Variants in PCDHGA12 observed in about 807,000 individuals in gnomAD.
The protein encoded by PCDHGA12 is protocadherin gamma-A12.
In PCDHGA12, 43 loss-of-function variants were observed where a neutral mutation model predicts 61.1. The ratio of observed to expected loss-of-function variants is 0.70; its 90% CI spans 0.55 to 0.91. The LOEUF (loss-of-function observed/expected upper bound fraction) is 0.91, where lower values mean the gene tolerates loss of function less well. Among genes scored for constraint, PCDHGA12 ranks in the 40% least tolerant of loss-of-function variants. The probability of loss-of-function intolerance (pLI) is 0.00; values close to 1 mark genes in which losing one functional copy is unlikely to be tolerated. For missense variants in PCDHGA12, 1,236 were observed against 1,227.7 expected, an observed-to-expected ratio of 1.01 and a Z score of -0.10; for synonymous variants, 520 against 542.9, an observed-to-expected ratio of 0.96 and a Z score of 0.59.
In PCDHGA12 at chr5:141,511,580, G is replaced by A. The variant is rs1436011320; in HGVS notation, c.*407G>A. ...CTCTTTCCCGAGTAAGGTGGTTGGG[G>A]TGTTGAAGTACCAAGTAACCTACAA... On this transcript the variant is annotated 3_prime_UTR_variant, in exon 4 of 4. Coordinates refer to ENST00000252085, the MANE Select transcript of PCDHGA12 (RefSeq NM_003735.3). 2 of 282,206 alleles carry A rather than the reference G, an allele frequency of 7.1e-6. No individual in the cohort carries two copies. Among genetic ancestry groups the A allele is most frequent in the Admixed American group, 4.6e-5 (1 of 21,516 alleles). The allele number at this position is 282,206 out of a possible 1,614,324, so 17.5% of individuals were successfully genotyped here.
intron 1 of PCDHGA12, among the ~76,000 whole-genome samples, chr5:141,443,191 A>G (rs2098371862): frequency 6.6e-6 from 1 of 152,122 alleles, no homozygotes; most frequent in Non-Finnish European, 1.5e-5. Flanking sequence ...CATTCTCTAT[A>G]GTACAAAGAG....
Position 141,485,863 on chromosome 5 carries a change from A to G in PCDHGA12, c.2425-8944A>G, listed in dbSNP as rs770864367. 78 of 1,614,054 alleles carry G rather than the reference A, an allele frequency of 4.8e-5. No individual in the cohort carries two copies. Among genetic ancestry groups the G allele is most frequent in the Non-Finnish European group, 6.0e-5 (71 of 1,180,040 alleles). ...GATCTGGCACCGCAGAGCTCCGGGT[A>G]TCCGTGCTGGACGTAAACGACAACG... On this transcript the variant is annotated intron_variant, in intron 1 of 3. Coordinates refer to ENST00000252085, the MANE Select transcript of PCDHGA12 (RefSeq NM_003735.3). The surrounding 1 kb of genome is among the most constrained non-coding windows in gnomAD (Gnocchi z 5.7).
chr5:141,443,018 A>G (rs2098358800), intron 1 of PCDHGA12, among the ~76,000 whole-genome samples: 1 of 152,208 alleles, frequency 6.6e-6, no homozygotes, highest in Admixed American at 6.5e-5. Flanking sequence ...TGACTAATGG[A>G]AGTTGCCAGA....
chr5:141,435,254 G>C (rs1220755047), intron 1 of PCDHGA12, among the ~76,000 whole-genome samples: 1 of 152,018 alleles, frequency 6.6e-6, no homozygotes, highest in African/African-American at 2.4e-5. Flanking sequence ...GGCCATTAGG[G>C]ATATGTCCAT....
intron 1 of PCDHGA12, among the ~76,000 whole-genome samples, chr5:141,467,051 T>G (rs988417775): frequency 6.6e-6 from 1 of 151,462 alleles, no homozygotes; most frequent in Non-Finnish European, 1.5e-5. Context: ...TGAATCAATG[T>G]TTTCTTTTTT....
rs2099170089 is a variant in PCDHGA12, at chr5:141,468,602, C to T, written c.2425-26205C>T. On this transcript the variant is annotated intron_variant, in intron 1 of 3. Coordinates refer to ENST00000252085, the MANE Select transcript of PCDHGA12 (RefSeq NM_003735.3). ...GTACTAAAGGCTGGGCGCGGTGGCT[C>T]ACGCCTGTAATCCCAGCACTTTGGG... The T allele has an allele frequency of 2.6e-5, 4 of 152,284 alleles. No individual in the cohort carries two copies. The South Asian group carries it at 8.3e-4, about 32-fold the overall frequency. 9.4% of individuals were successfully genotyped at this position (152,284 alleles called of 1,614,324 possible).
chr5:141,466,812 G>T (rs1394979761), intron 1 of PCDHGA12, among the ~76,000 whole-genome samples: 1 of 151,940 alleles, frequency 6.6e-6, no homozygotes, highest in African/African-American at 2.4e-5. Flanking sequence ...ATTCAGACAT[G>T]GTATAACAAG....
At chr5:141,499,013 GA>G (rs2099788463) in intron 2 of PCDHGA12, among the ~76,000 whole-genome samples, 1 of 144,746 alleles carries the variant, frequency 6.9e-6, no homozygotes, top group Non-Finnish European at 1.5e-5. Context: ...AGGAAGGAAG[GA>G]AGGAAGGAAG....
In PCDHGA12 at chr5:141,511,405, T is replaced by C. The variant is rs1274658643; in HGVS notation, c.*232T>C. The C allele has an allele frequency of 2.2e-5, 21 of 944,066 alleles. No homozygotes were observed. In the East Asian group the frequency reaches 5.8e-4, roughly 26 times the overall value. 58.5% of individuals were successfully genotyped at this position (944,066 alleles called of 1,614,324 possible). On this transcript the variant is annotated 3_prime_UTR_variant, in exon 4 of 4. Transcript: ENST00000252085. ...CGCTGGGAACCCCCATCCAATCAACTGCTGTACCCATGGGGGTAGTGGGGT... is the reference window on the plus strand; with the variant it reads ...CGCTGGGAACCCCCATCCAATCAACCGCTGTACCCATGGGGGTAGTGGGGT...
chr5:141,487,392 G>A lies in PCDHGA12; in HGVS notation c.2425-7415G>A, dbSNP rs773126086. 2 of 1,614,176 alleles carry A rather than the reference G, an allele frequency of 1.2e-6. No individual in the cohort carries two copies. Among genetic ancestry groups the A allele is most frequent in the Non-Finnish European group, 1.7e-6 (2 of 1,180,024 alleles). On this transcript the variant is annotated intron_variant, in intron 1 of 3. Transcript: ENST00000252085. This position sits in a 1 kb window ranked among gnomAD's most constrained non-coding sequence, Gnocchi z 5.0. ...GCCTGTCTCACCAGATCTCGAAGGA[G>A]GGAGGGGCTTCCCCCTTCCAATGGG...
Position 141,490,151 on chromosome 5 carries a change from T to A in PCDHGA12, c.2425-4656T>A, listed in dbSNP as rs1449636059. 6.2e-6 allele frequency: 10 copies of A among 1,614,210 alleles called. No homozygotes were observed. The highest frequency in any genetic ancestry group is 8.5e-6 in the Non-Finnish European group (10 of 1,180,018). On this transcript the variant is annotated intron_variant, in intron 1 of 3. Transcript: ENST00000252085. This position sits in a 1 kb window ranked among gnomAD's most constrained non-coding sequence, Gnocchi z 5.4. ...GACCCTAGCAGTGGGGCAATCCATG[T>A]GTTGGGTCCCATAGACTTTGAGGAG... is the stretch of plus-strand genomic sequence containing the variant.
At chr5:141,462,584 A>C (rs959398950) in intron 1 of PCDHGA12, among the ~76,000 whole-genome samples, 1 of 152,124 alleles carries the variant, frequency 6.6e-6, no homozygotes, top group African/African-American at 2.4e-5. Context: ...CATCCAGTGA[A>C]GTTTCCATTT....
At chr5:141,450,887 C>T (rs531604055) in intron 1 of PCDHGA12, among the ~76,000 whole-genome samples, 18 of 148,682 alleles carry the variant, frequency 1.2e-4, no homozygotes, top group East Asian at 1.2e-3. Flanking sequence ...TGCAGTGGTG[C>T]GATATCGGCT....
chr5:141,478,155 G>A (rs138384601), intron 1 of PCDHGA12: 1 of 1,613,992 alleles, frequency 6.2e-7, no homozygotes, highest in Non-Finnish European at 8.5e-7. Context: ...TTCCCCTCTG[G>A]CTCTGCCCCC....
chr5:141,439,333 G>A (rs964224344), intron 1 of PCDHGA12, among the ~76,000 whole-genome samples: 1 of 152,154 alleles, frequency 6.6e-6, no homozygotes, highest in Non-Finnish European at 1.5e-5. Flanking sequence ...TGGAAAGAAA[G>A]ATTCTAAGCC....
At chr5:141,484,317 T>C (rs939085863) in intron 1 of PCDHGA12, among the ~76,000 whole-genome samples, 1 of 152,220 alleles carries the variant, frequency 6.6e-6, no homozygotes, top group Non-Finnish European at 1.5e-5. Context: ...CCCGCTTCCA[T>C]ACTGTCCTTG....
rs754536860 is a variant in PCDHGA12, at chr5:141,432,221, A to G, written c.1462A>G (p.Thr488Ala). The G allele has an allele frequency of 2.5e-6, 4 of 1,614,190 alleles. No homozygotes were observed. The South Asian group carries it at 4.4e-5, about 18-fold the overall frequency. ...DPDCEENAQI[T>A]YSLAENTIQG... is the part of the protein sequence containing the mutation. ...CGACTGTGAAGAGAACGCCCAGATC[A>G]CTTATTCCCTGGCTGAGAACACCAT... Residue 488 changes from threonine (T) to alanine (A), a missense_variant, in exon 1 of 4, where the codon ACT becomes GCT. Coordinates refer to ENST00000252085, the MANE Select transcript of PCDHGA12 (RefSeq NM_003735.3). The surrounding 1 kb of genome is among the most constrained non-coding windows in gnomAD (Gnocchi z 6.0).
At position 141,485,074 on chromosome 5, in the gene PCDHGA12, G is replaced by T. The variant is rs2099606548; in HGVS notation, c.2425-9733G>T. On this transcript the variant is annotated intron_variant, in intron 1 of 3. Transcript: ENST00000252085. The surrounding 1 kb of genome is among the most constrained non-coding windows in gnomAD (Gnocchi z 5.7). ...GGCCGAACCGCGCCAGAGCTGGCGCGGGGAAAGGGAGATAGGTGTCTCCAG... is the reference window on the plus strand; with the variant it reads ...GGCCGAACCGCGCCAGAGCTGGCGCTGGGAAAGGGAGATAGGTGTCTCCAG... The T allele has an allele frequency of 2.2e-6, 2 of 926,946 alleles. No homozygotes were observed. The highest frequency in any genetic ancestry group is 3.4e-6 in the Non-Finnish European group (2 of 596,630). 57.4% of individuals were successfully genotyped at this position (926,946 alleles called of 1,614,324 possible). A position where few individuals can be genotyped will look rare whatever the true frequency, so the allele number is the denominator to read the frequency against.
intron 1 of PCDHGA12, among the ~76,000 whole-genome samples, chr5:141,483,294 T>G (rs1392406131): frequency 2.0e-5 from 3 of 152,100 alleles, no homozygotes; most frequent in Non-Finnish European, 4.4e-5. Flanking sequence ...CAGTCATAAG[T>G]GAAGGGACTG....
Sources: allele counts gnomAD v4.1 joint callset (sites outside exome capture counted in the v4.1 genomes callset), GRCh38; gene constraint gnomAD v4.1.1; non-coding constraint Gnocchi (gnomAD v3.1); transcripts MANE v1.5; gene names NCBI Gene and HGNC (gene_info 2026-07-23, HGNC 2026-07-21).